The following PDGFA variants were observed in gnomAD, a reference collection of about 807,000 sequenced individuals.
PDGFA encodes the protein platelet derived growth factor subunit A, also known as platelet-derived growth factor subunit A.
Under a neutral mutation model 25.6 loss-of-function variants are expected in PDGFA, and 9 were observed. The ratio of observed to expected loss-of-function variants is 0.35; its 90% CI spans 0.21 to 0.61. PDGFA has a LOEUF of 0.61. PDGFA is among the 20% of genes least tolerant of loss of function. PDGFA has a pLI of 0.75. For synonymous variants in PDGFA, 133 were observed against 111.8 expected (o/e 1.19, Z -1.20); for missense variants, 242 against 272.8 (o/e 0.89, Z 0.79).
chr7:503,194 GCCCCCTGGAGCAC>G (rs1206674933), intron 4 of PDGFA, among the ~76,000 whole-genome samples: 1 of 152,140 alleles, frequency 6.6e-6, no homozygotes. Flanking sequence ...TGTCCCACCT[GCCCCCTGGAGCAC>G]ACACCAGGGA....
intron 4 of PDGFA, among the ~76,000 whole-genome samples, chr7:509,919 T>C (rs1270756117): frequency 6.6e-6 from 1 of 152,170 alleles, no homozygotes; most frequent in African/African-American, 2.4e-5. Flanking sequence ...AAGTCTGCTG[T>C]CTGGCCTCGA....
At position 517,435 on chromosome 7, in the gene PDGFA, C is replaced by T; in HGVS notation, c.119G>A (p.Ser40Asn). The T allele has an allele frequency of 7.2e-7, 1 of 1,392,620 alleles. No individual in the cohort carries two copies. The allele number at this position is 1,392,620 out of a possible 1,614,324, so 86.3% of individuals were successfully genotyped here. ...CAGGAGTCGCTGGAGGTCCCGGATG[C>T]TGTGGATCTGACTGCGGGCCAGCCT... The change falls in exon 2 of 6, where the codon AGC (serine) becomes AAC (asparagine). Residue 40 changes from serine to asparagine, a missense_variant. Physicochemically the swap from Ser to Asn is conservative, Grantham distance 46. Transcript: ENST00000402802. This position sits in a 1 kb window ranked among gnomAD's most constrained non-coding sequence, Gnocchi z 7.4.
chr7:499,011 G>GCTGAT (rs1393942433), intron 5 of PDGFA, among the ~76,000 whole-genome samples: 1 of 152,194 alleles, frequency 6.6e-6, no homozygotes, highest in Admixed American at 6.5e-5. Context: ...GCAGACCTAT[G>GCTGAT]CTGATCGTTT....
intron 2 of PDGFA, among the ~76,000 whole-genome samples, chr7:515,530 CT>C (rs1054328298): frequency 6.6e-6 from 1 of 152,020 alleles, no homozygotes; most frequent in East Asian, 1.9e-4. Context: ...GGAGGCCCCC[CT>C]ATGTTACAAA....
Position 517,571 on chromosome 7 carries a change from C to A in PDGFA, c.64-81G>T. The stretch of plus-strand genomic sequence containing the variant: ...CCCCCGGCCGCCAGGAGCGCCGCCG[C>A]CCCGGGCCCGAGGAGACCCCGCGAG... On this transcript the variant is annotated intron_variant, in intron 1 of 5. Coordinates refer to ENST00000402802, the Ensembl canonical transcript of PDGFA. The surrounding 1 kb of genome is among the most constrained non-coding windows in gnomAD (Gnocchi z 7.4). The A allele has an allele frequency of 2.2e-6, 1 of 454,260 alleles. No individual in the cohort carries two copies. Among genetic ancestry groups the A allele is most frequent in the Non-Finnish European group, 3.0e-6 (1 of 338,544 alleles). 28.1% of individuals were successfully genotyped at this position (454,260 alleles called of 1,614,324 possible).
Position 500,804 on chromosome 7 carries a change from C to G in PDGFA, c.580+312G>C. On this transcript the variant is annotated intron_variant, in intron 5 of 5. Coordinates refer to ENST00000402802, the Ensembl canonical transcript of PDGFA. This position sits in a 1 kb window ranked among gnomAD's most constrained non-coding sequence, Gnocchi z 5.0. Reference sequence around the variant, plus strand: ...CTGGCAGGAGGCCCTTCTGCAGATTCTTCTCAGCTCAGCCCCGCAGCCCAC... The same window carrying G: ...CTGGCAGGAGGCCCTTCTGCAGATTGTTCTCAGCTCAGCCCCGCAGCCCAC... The G allele has an allele frequency of 1.4e-6, 2 of 1,455,830 alleles. No individual in the cohort carries two copies. Among genetic ancestry groups the G allele is most frequent in the Middle Eastern group, 2.5e-4 (1 of 3,952 alleles). The allele number at this position is 1,455,830 out of a possible 1,614,324, so 90.2% of individuals were successfully genotyped here.
intron 4 of PDGFA, among the ~76,000 whole-genome samples, chr7:508,560 A>C (rs939090495): frequency 6.0e-5 from 5 of 84,026 alleles, no homozygotes; most frequent in Non-Finnish European, 9.6e-5. Context: ...AAGCTGTCCC[A>C]AAAAAAAAAA....
chr7:503,225 C>T (rs1406819201), intron 4 of PDGFA, among the ~76,000 whole-genome samples: 1 of 152,218 alleles, frequency 6.6e-6, no homozygotes, highest in Non-Finnish European at 1.5e-5. Flanking sequence ...GGAATAGCCA[C>T]CACCTTCCTG....
At chr7:507,224 C>T (rs1053034791) in intron 4 of PDGFA, among the ~76,000 whole-genome samples, 3 of 152,234 alleles carry the variant, frequency 2.0e-5, no homozygotes, top group Non-Finnish European at 2.9e-5. Context: ...AGGGAGAAGA[C>T]GCCTCCCAGA....
chr7:500,207 C>T lies in PDGFA; in HGVS notation c.580+909G>A, dbSNP rs1010128819. Among the ~76,000 whole-genome samples the T allele has an allele frequency of 3.3e-5, 5 of 152,218 alleles. No homozygotes were observed. Among genetic ancestry groups the T allele is most frequent in the Admixed American group, 3.3e-4 (5 of 15,278 alleles). On this transcript the variant is annotated intron_variant, in intron 5 of 5. Coordinates refer to ENST00000402802, the Ensembl canonical transcript of PDGFA. The surrounding 1 kb of genome is among the most constrained non-coding windows in gnomAD (Gnocchi z 5.0). The stretch of plus-strand genomic sequence containing the variant: ...ATCAACGACAAAGAGAAGGACAAAG[C>T]TGGAGGCAGGCTCCCAAGCGGGAGT...
Position 500,350 on chromosome 7 carries a change from G to A in PDGFA, c.580+766C>T. ...CATCCCCGCCGCACCCGGCGAGACAGGAAGCGTGATTTGCTGGTGTGATCA... is the reference window on the plus strand; with the variant it reads ...CATCCCCGCCGCACCCGGCGAGACAAGAAGCGTGATTTGCTGGTGTGATCA... On this transcript the variant is annotated intron_variant, in intron 5 of 5. Transcript: ENST00000402802. This position sits in a 1 kb window ranked among gnomAD's most constrained non-coding sequence, Gnocchi z 5.0. 1 of 1,490,358 alleles carries A rather than the reference G, an allele frequency of 6.7e-7. No homozygotes were observed. The highest frequency in any genetic ancestry group is 9.3e-7 in the Non-Finnish European group (1 of 1,069,558). 92.3% of individuals were successfully genotyped at this position (1,490,358 alleles called of 1,614,324 possible).
chr7:511,336 T>TGGCA (rs763034276), intron 3 of PDGFA, among the ~76,000 whole-genome samples: 1 of 73,896 alleles, frequency 1.4e-5, no homozygotes, highest in Non-Finnish European at 2.2e-5. Flanking sequence ...AGACTGGGGG[T>TGGCA]GGGGAGAGGG....
In PDGFA at chr7:500,547, G is replaced by A. The variant is rs149638807; in HGVS notation, c.580+569C>T. ...GTGAGTGGGCCGAGGGACGGCCGTC[G>A]GGGTGAAGAACTGAAGCAACAAATA... On this transcript the variant is annotated intron_variant, in intron 5 of 5. Transcript: ENST00000402802. This position sits in a 1 kb window ranked among gnomAD's most constrained non-coding sequence, Gnocchi z 5.0. 1.3e-4 allele frequency: 204 copies of A among 1,613,078 alleles called. No homozygotes were observed. In the Middle Eastern group the frequency reaches 2.0e-3, roughly 16 times the overall value.
chr7:510,317 G>A (rs1782742051), intron 4 of PDGFA, among the ~76,000 whole-genome samples: 2 of 151,980 alleles, frequency 1.3e-5, no homozygotes, highest in Non-Finnish European at 2.9e-5. Context: ...TGGGAGCGCA[G>A]CCGTGCACCC....
chr7:500,414 C>T lies in PDGFA; in HGVS notation c.580+702G>A. The T allele has an allele frequency of 6.2e-7, 1 of 1,613,678 alleles. No individual in the cohort carries two copies. The highest frequency in any genetic ancestry group is 8.5e-7 in the Non-Finnish European group (1 of 1,179,606). On this transcript the variant is annotated intron_variant, in intron 5 of 5. Coordinates refer to ENST00000402802, the Ensembl canonical transcript of PDGFA. The surrounding 1 kb of genome is among the most constrained non-coding windows in gnomAD (Gnocchi z 5.0). ...CCCCGCCCTGCAGGACTCAGTGTGT[C>T]CGGCAGACAGTCCTACCTGGTTGGC...
chr7:520,545 C>T (rs1020894508), upstream of PDGFA: 2 of 152,428 alleles, frequency 1.3e-5, no homozygotes, highest in African/African-American at 4.8e-5. Context: ...CCCGCGCCCC[C>T]CAGTCCCCCA....
intron 4 of PDGFA, among the ~76,000 whole-genome samples, chr7:504,738 C>A (rs528241720): frequency 6.6e-6 from 1 of 152,374 alleles, no homozygotes; most frequent in East Asian, 1.9e-4. Flanking sequence ...ATGGCACAGC[C>A]TCTTTGGTCA....
At chr7:508,518 C>T (rs1489330204) in intron 4 of PDGFA, among the ~76,000 whole-genome samples, 1 of 141,048 alleles carries the variant, frequency 7.1e-6, no homozygotes, top group African/African-American at 2.6e-5. Flanking sequence ...CATGATCGCA[C>T]CACCACACTC....
upstream of PDGFA, among the ~76,000 whole-genome samples, chr7:519,737 C>T (rs1783285623): frequency 6.9e-6 from 1 of 145,758 alleles, no homozygotes; most frequent in Non-Finnish European, 1.5e-5. Context: ...TGAGGGCGGG[C>T]GCAAGGCCGA....
Sources: allele counts gnomAD v4.1 joint callset (sites outside exome capture counted in the v4.1 genomes callset), GRCh38; gene constraint gnomAD v4.1.1; non-coding constraint Gnocchi (gnomAD v3.1); transcripts MANE v1.5; gene names NCBI Gene and HGNC (gene_info 2026-07-23, HGNC 2026-07-21).